APBA2: variants seen among roughly 807,000 people sequenced by gnomAD.
APBA2 encodes the protein amyloid-beta A4 precursor protein-binding family A member 2.
A neutral mutation model predicts 75.0 loss-of-function variants in APBA2; 30 were observed. The observed-to-expected ratio is 0.40, with a 90% CI of 0.30 to 0.54. The LOEUF is 0.54. Among genes scored for constraint, APBA2 ranks in the 20% least tolerant of loss-of-function variants. The pLI, the probability that APBA2 is intolerant of heterozygous loss-of-function variation, is 0.49. For missense variants in APBA2, 801 were observed against 1,016.1 expected (o/e 0.79, Z 2.88); for synonymous variants, 444 against 409.6 (o/e 1.08, Z -1.01).
At position 29,084,542 on chromosome 15, in the gene APBA2, TAGG is replaced by T. The variant is rs530590539; in HGVS notation, c.1069+8454_1069+8456del. Among the ~76,000 whole-genome samples, 24 of 152,378 alleles carry T rather than the reference TAGG, an allele frequency of 1.6e-4. No individual in the cohort carries two copies. In the East Asian group the frequency reaches 4.6e-3, roughly 29 times the overall value. On this transcript the variant is annotated intron_variant, in intron 6 of 14. Transcript: ENST00000683413. ...TATTTCATATTGTATCTCTAAAATATAGGAGTTCTGTTTTTAAAAATAATTTCA... is the reference window on the plus strand; with the variant it reads ...TATTTCATATTGTATCTCTAAAATATAGTTCTGTTTTTAAAAATAATTTCA...
chr15:29,049,459 A>T (rs1212113673), intron 3 of APBA2, among the ~76,000 whole-genome samples: 1 of 152,232 alleles, frequency 6.6e-6, no homozygotes, highest in Non-Finnish European at 1.5e-5. Context: ...AGCTAGGGAC[A>T]GGTGCAGCAC....
chr15:29,028,641 C>T (rs1050740856), intron 3 of APBA2, among the ~76,000 whole-genome samples: 3 of 152,170 alleles, frequency 2.0e-5, no homozygotes, highest in African/African-American at 7.2e-5. Flanking sequence ...ACAAGCATTC[C>T]TATTTCCCCG....
intron 1 of APBA2, among the ~76,000 whole-genome samples, chr15:28,893,410 C>T (rs1002635251): frequency 2.0e-5 from 3 of 152,210 alleles, no homozygotes; most frequent in African/African-American, 7.2e-5. Context: ...TTGTGAAAGC[C>T]GTCAGCTGGG....
rs567627682 is a variant in APBA2, at chr15:28,957,316, C to T, written c.-95+35567C>T. On this transcript the variant is annotated intron_variant, in intron 2 of 14. Coordinates refer to ENST00000683413, the MANE Select transcript of APBA2 (RefSeq NM_001353788.2). ...GGTCTCAATCTCCTGACCTCGTGAT[C>T]CGCCCGCCTCGGCCTCCCAAAGTGC... Among the ~76,000 whole-genome samples, 16 of 152,226 alleles carry T rather than the reference C, an allele frequency of 1.1e-4. 1 individual carries two copies. The East Asian group carries it at 3.1e-3, about 29-fold the overall frequency.
chr15:29,039,101 GTGTGTGTGTGT>G lies in APBA2; in HGVS notation c.-40-14743_-40-14733del, dbSNP rs2040897393. On this transcript the variant is annotated intron_variant, in intron 3 of 14. Coordinates refer to ENST00000683413, the MANE Select transcript of APBA2 (RefSeq NM_001353788.2). Reference sequence around the variant, plus strand: ...CCTTATTTCAGCTGTATGTCAGGGTGTGTGTGTGTGTGTGTGTGTGTGTGTGTGTGTGTGTG... The same window carrying G: ...CCTTATTTCAGCTGTATGTCAGGGTGGTGTGTGTGTGTGTGTGTGTGTGTG... Among the ~76,000 whole-genome samples the G allele has an allele frequency of 1.4e-4, 4 of 28,682 alleles. No individual in the cohort carries two copies. The African/African-American group carries it at 1.6e-3, about 12-fold the overall frequency. The allele number at this position is 28,682 out of a possible 152,430, so 18.8% of individuals were successfully genotyped here.
intron 6 of APBA2, among the ~76,000 whole-genome samples, chr15:29,088,561 A>G (rs1442719300): frequency 1.3e-5 from 2 of 152,040 alleles, no homozygotes; most frequent in African/African-American, 4.8e-5. Flanking sequence ...ATGGACCCCT[A>G]AATCCCCATC....
At chr15:28,896,767 A>T (rs2032518874) in intron 1 of APBA2, among the ~76,000 whole-genome samples, 1 of 152,168 alleles carries the variant, frequency 6.6e-6, no homozygotes, top group African/African-American at 2.4e-5. Flanking sequence ...ACCCACCCAT[A>T]TTTGTAGAAA....
intron 3 of APBA2, among the ~76,000 whole-genome samples, chr15:29,012,924 C>T (rs1008800336): frequency 9.9e-5 from 15 of 152,244 alleles, no homozygotes; most frequent in Middle Eastern, 3.4e-3. Context: ...AATGCCTTGA[C>T]GAGAAAAGCA....
At chr15:28,929,713 G>T (rs778162878) in intron 2 of APBA2, among the ~76,000 whole-genome samples, 2 of 152,182 alleles carry the variant, frequency 1.3e-5, no homozygotes, top group Admixed American at 1.3e-4. Flanking sequence ...GATTGCAGTA[G>T]TGGGACTTGG....
Position 29,045,069 on chromosome 15 carries a change from T to TTCTCTCTCTCTCTCTCTC in APBA2, c.-40-8759_-40-8742dup, listed in dbSNP as rs1555399868. 6.0e-4 allele frequency among the ~76,000 whole-genome samples: 50 copies of TTCTCTCTCTCTCTCTCTC among 82,886 alleles called. 2 individuals carry two copies. Among genetic ancestry groups the TTCTCTCTCTCTCTCTCTC allele is most frequent in the Admixed American group, 3.3e-3 (27 of 8,202 alleles). The allele number at this position is 82,886 out of a possible 152,430, so 54.4% of individuals were successfully genotyped here. ...CCTTCCTCTCTCCCTCCCTCCCTCC[T>TTCTCTCTCTCTCTCTCTC]TCTCTCTCTCTCTCTCTCTCTCTCT... On this transcript the variant is annotated intron_variant, in intron 3 of 14. Coordinates refer to ENST00000683413, the MANE Select transcript of APBA2 (RefSeq NM_001353788.2).
chr15:29,106,253 A>G (rs1329562518), intron 11 of APBA2, among the ~76,000 whole-genome samples: 1 of 152,108 alleles, frequency 6.6e-6, no homozygotes, highest in Non-Finnish European at 1.5e-5. Flanking sequence ...GTGGGTGTGG[A>G]AGGAGCAGGA....
chr15:29,117,444 G>GTGTCT lies in APBA2; in HGVS notation c.*313_*317dup, dbSNP rs2045261676. 1 of 453,380 alleles carries GTGTCT rather than the reference G, an allele frequency of 2.2e-6. No homozygotes were observed. Among genetic ancestry groups the GTGTCT allele is most frequent in the South Asian group, 2.2e-5 (1 of 45,472 alleles). The allele number at this position is 453,380 out of a possible 1,614,324, so 28.1% of individuals were successfully genotyped here. On this transcript the variant is annotated 3_prime_UTR_variant, in exon 15 of 15. Coordinates refer to ENST00000683413, the MANE Select transcript of APBA2 (RefSeq NM_001353788.2). ...GGTAGCTGTGCGTGGTGTGGAGTGTGTGTCTTTCCTCCCTGAAGCTGTGCG... is the reference window on the plus strand; with the variant it reads ...GGTAGCTGTGCGTGGTGTGGAGTGTGTGTCTTGTCTTTCCTCCCTGAAGCTGTGCG...
intron 3 of APBA2, among the ~76,000 whole-genome samples, chr15:28,999,972 C>G (rs1404626405): frequency 6.6e-6 from 1 of 152,124 alleles, no homozygotes. Context: ...AGACCAATGT[C>G]CCAGTCAAGC....
At chr15:28,948,713 TAC>T (rs760213589) in intron 2 of APBA2, among the ~76,000 whole-genome samples, 1 of 152,218 alleles carries the variant, frequency 6.6e-6, no homozygotes, top group Non-Finnish European at 1.5e-5. Context: ...TAAACGCTGA[TAC>T]AGTCTGTGCC....
chr15:29,080,123 A>G (rs1043361904), intron 6 of APBA2, among the ~76,000 whole-genome samples: 1 of 152,216 alleles, frequency 6.6e-6, no homozygotes, highest in Non-Finnish European at 1.5e-5. Context: ...ATGCCTTCAT[A>G]TACCAGGAAT....
At chr15:29,108,175 G>GT in intron 12 of APBA2, 95 bp from the exon 13 acceptor site, 1 of 1,575,696 alleles carries the variant, frequency 6.3e-7, no homozygotes, top group Non-Finnish European at 8.6e-7. Flanking sequence ...TGTTCTCACT[G>GT]CCCCCGGCCT....
chr15:28,981,424 A>G (rs1404706954), intron 2 of APBA2, among the ~76,000 whole-genome samples: 1 of 152,236 alleles, frequency 6.6e-6, no homozygotes, highest in Non-Finnish European at 1.5e-5. Context: ...ATCACTAATC[A>G]TCAGAAGAAT....
intron 8 of APBA2, among the ~76,000 whole-genome samples, chr15:29,096,396 T>C (rs2043853154): frequency 6.6e-6 from 1 of 152,220 alleles, no homozygotes; most frequent in African/African-American, 2.4e-5. Context: ...TCCTCCACAA[T>C]TGTCACTAAT....
At chr15:29,007,780 A>G (rs2039198289) in intron 3 of APBA2, among the ~76,000 whole-genome samples, 1 of 152,212 alleles carries the variant, frequency 6.6e-6, no homozygotes, top group Admixed American at 6.5e-5. Context: ...TTTAGGTGGG[A>G]ATGTAAATGG....
Sources: gnomAD v4.1 joint callset for allele counts (sites outside exome capture counted in the v4.1 genomes callset) on GRCh38, gnomAD v4.1.1 for gene constraint, MANE v1.5 for transcripts, NCBI Gene and HGNC (gene_info 2026-07-23, HGNC 2026-07-21) for gene names.